MTAP: variants seen among roughly 807,000 people sequenced by gnomAD.
The protein encoded by MTAP is methylthioadenosine phosphorylase, also known as S-methyl-5'-thioadenosine phosphorylase.
Under a neutral mutation model 33.6 loss-of-function variants are expected in MTAP, and 33 were observed. The observed-to-expected ratio is 0.98, with a 90% CI of 0.74 to 1.31. The LOEUF is 1.31. Among genes scored for constraint, MTAP ranks in the 40% most tolerant of loss-of-function variants. MTAP has a pLI of 0.00. For missense variants in MTAP, 367 were observed against 360.0 expected, an observed-to-expected ratio of 1.02 and a Z score of -0.16; for synonymous variants, 148 against 125.7, an observed-to-expected ratio of 1.18 and a Z score of -1.19.
rs573292177 is a variant in MTAP at position 21,828,969 on chromosome 9, TGA to T, written c.348-8938_348-8937del. On this transcript the variant is annotated intron_variant, in intron 4 of 7. Coordinates refer to ENST00000644715, the MANE Select transcript of MTAP (RefSeq NM_002451.4). ...GCACATATATCATTCATTATGTGTTTGAACATCTCATAGCAGAAGATGCCTTG... is the reference window on the plus strand; with the variant it reads ...GCACATATATCATTCATTATGTGTTTACATCTCATAGCAGAAGATGCCTTG... 3.1e-3 allele frequency among the ~76,000 whole-genome samples: 476 copies of T among 152,316 alleles called. 2 individuals carry two copies. Among genetic ancestry groups the T allele is most frequent in the Non-Finnish European group, 4.1e-3 (277 of 68,026 alleles).
chr9:21,828,239 C>CT (rs1283395919), intron 4 of MTAP, among the ~76,000 whole-genome samples: 1 of 152,224 alleles, frequency 6.6e-6, no homozygotes, highest in Admixed American at 6.5e-5. Context: ...TTCAAAGTCT[C>CT]TAATAAGTGC....
rs767524999 is a variant in MTAP, at chr9:21,863,893, A to C, written c.*1879A>C. On this transcript the variant is annotated 3_prime_UTR_variant, in exon 8 of 8. Transcript: ENST00000644715. ...TCATTAGTGTGAGCCATTTGGGTCA[A>C]GTATGATTATGACCCTTGGACTTCC... is the stretch of plus-strand genomic sequence containing the variant. The C allele has an allele frequency of 1.0e-6, 1 of 985,842 alleles. No individual in the cohort carries two copies. The allele number at this position is 985,842 out of a possible 1,614,324, so 61.1% of individuals were successfully genotyped here. A position where few individuals can be genotyped will look rare whatever the true frequency, so the allele number is the denominator to read the frequency against.
At position 21,915,000 on chromosome 9, in the gene MTAP, TTTCCTTCCTTCCTTCCTTCC is replaced by T. The variant is rs367599453; in HGVS notation, c.148-15969_148-15950del. Reference sequence around the variant, plus strand: ...TAGCACATATCAATACTTTGTTTTCTTTCCTTCCTTCCTTCCTTCCTTCCTTCCTTCCTTCCTTCCTTCCT... The same window carrying T: ...TAGCACATATCAATACTTTGTTTTCTTTCCTTCCTTCCTTCCTTCCTTCCT... On this transcript the variant is annotated intron_variant, in intron 1 of 1. Transcript: ENST00000577563. Among the ~76,000 whole-genome samples, 45 of 83,772 alleles carry T rather than the reference TTTCCTTCCTTCCTTCCTTCC, an allele frequency of 5.4e-4. 1 individual carries two copies. The highest frequency in any genetic ancestry group is 0.011 in the Middle Eastern group (2 of 186). The allele number at this position is 83,772 out of a possible 152,430, so 55.0% of individuals were successfully genotyped here.
At chr9:21,939,384 T>C (rs970815579), downstream of MTAP, among the ~76,000 whole-genome samples, 2 of 152,256 alleles carry the variant, frequency 1.3e-5, no homozygotes, top group African/African-American at 4.8e-5. Context: ...TTTTCAGATT[T>C]AACGTAACTT....
chr9:21,875,643 A>T lies in MTAP; in HGVS notation c.147+20773A>T, dbSNP rs536342488. Among the ~76,000 whole-genome samples, 6 of 152,110 alleles carry T rather than the reference A, an allele frequency of 3.9e-5. No homozygotes were observed. In the South Asian group the frequency reaches 1.2e-3, roughly 32 times the overall value. On this transcript the variant is annotated intron_variant, in intron 1 of 1. Coordinates refer to the MTAP transcript ENST00000577563. ...CCACTTATAAGTGAAAACGTGTGGTATTTGGTTTTCTGTTTCTGTGTTACT... is the reference window on the plus strand; with the variant it reads ...CCACTTATAAGTGAAAACGTGTGGTTTTTGGTTTTCTGTTTCTGTGTTACT...
At chr9:21,836,509 A>G (rs1825110724) in intron 4 of MTAP, among the ~76,000 whole-genome samples, 1 of 152,128 alleles carries the variant, frequency 6.6e-6, no homozygotes, top group African/African-American at 2.4e-5. Flanking sequence ...GGCCCTGTTC[A>G]TATCATAGTT....
chr9:21,940,288 T>C (rs1271282335), downstream of MTAP, among the ~76,000 whole-genome samples: 2 of 152,240 alleles, frequency 1.3e-5, no homozygotes, highest in Non-Finnish European at 2.9e-5. Flanking sequence ...TGAAAAAGCT[T>C]ATGTAATGAA....
At position 21,854,719 on chromosome 9, in the gene MTAP, G is replaced by C. The variant is rs374057632; in HGVS notation, c.539G>C (p.Arg180Pro). The C allele has an allele frequency of 4.3e-6, 7 of 1,614,074 alleles. No individual in the cohort carries two copies. The South Asian group carries it at 5.5e-5, about 13-fold the overall frequency. The change falls in exon 6 of 8, where the codon CGG becomes CCG. Residue 180 changes from arginine (R) to proline (P), a missense_variant. Transcript: ENST00000644715. ...ATCGAGGGACCTCGTTTTAGCTCCC[G>C]GGCAGAAAGCTTCATGTTCCGCACC... ...VTIEGPRFSS[R>P]AESFMFRTWG...
downstream of MTAP, chr9:21,935,715 T>A (rs1035929816): frequency 2.0e-5 from 3 of 152,176 alleles, no homozygotes; most frequent in Admixed American, 6.5e-5. Context: ...ATTTTAGATG[T>A]AAGTTTGTCC....
In MTAP at chr9:21,864,356, T is replaced by C; in HGVS notation, c.*2342T>C. The C allele has an allele frequency of 1.0e-6, 1 of 985,298 alleles. No homozygotes were observed. The allele number at this position is 985,298 out of a possible 1,614,324, so 61.0% of individuals were successfully genotyped here. ...CACTTGTGATGCTGTACTAATTTTTTTTTTTTAATTTAAGCTAGTATACTA... is the reference window on the plus strand; with the variant it reads ...CACTTGTGATGCTGTACTAATTTTTCTTTTTTAATTTAAGCTAGTATACTA... On this transcript the variant is annotated 3_prime_UTR_variant, in exon 8 of 8. Coordinates refer to ENST00000644715, the MANE Select transcript of MTAP (RefSeq NM_002451.4).
chr9:21,822,563 T>C (rs1483326230), intron 4 of MTAP, among the ~76,000 whole-genome samples: 1 of 152,208 alleles, frequency 6.6e-6, no homozygotes, highest in Admixed American at 6.5e-5. Context: ...TGTGGTCAAT[T>C]TTGGAATAAG....
intron 1 of MTAP, among the ~76,000 whole-genome samples, chr9:21,916,423 A>G (rs1342914920): frequency 1.3e-5 from 2 of 152,142 alleles, no homozygotes; most frequent in African/African-American, 4.8e-5. Context: ...AGGCCTGGCC[A>G]ATATGGTGAA....
At chr9:21,903,972 T>G (rs1197172418) in intron 1 of MTAP, among the ~76,000 whole-genome samples, 1 of 152,192 alleles carries the variant, frequency 6.6e-6, no homozygotes, top group Non-Finnish European at 1.5e-5. Context: ...ACTGGAAGAA[T>G]CACACGTGGA....
intron 1 of MTAP, among the ~76,000 whole-genome samples, chr9:21,912,750 C>G (rs967942715): frequency 6.6e-6 from 1 of 152,174 alleles, no homozygotes; most frequent in African/African-American, 2.4e-5. Context: ...TCTCACCACT[C>G]CTATTCAACA....
At chr9:21,923,357 C>T (rs1818818796) in intron 1 of MTAP, among the ~76,000 whole-genome samples, 1 of 152,146 alleles carries the variant, frequency 6.6e-6, no homozygotes, top group Non-Finnish European at 1.5e-5. Flanking sequence ...TTAAGGATCT[C>T]ACCTACTTGC....
At chr9:21,911,263 T>A (rs1298349346) in intron 1 of MTAP, among the ~76,000 whole-genome samples, 1 of 152,112 alleles carries the variant, frequency 6.6e-6, no homozygotes, top group Non-Finnish European at 1.5e-5. Context: ...TGAATTCAGC[T>A]CTGCACCAAG....
At chr9:21,921,303 T>C (rs1355604020) in intron 1 of MTAP, among the ~76,000 whole-genome samples, 1 of 152,132 alleles carries the variant, frequency 6.6e-6, no homozygotes, top group Non-Finnish European at 1.5e-5. Flanking sequence ...TTCTCTTTTG[T>C]TCTTAGTTTA....
At chr9:21,832,856 C>T (rs185011528) in intron 4 of MTAP, among the ~76,000 whole-genome samples, 76 of 152,288 alleles carry the variant, frequency 5.0e-4, no homozygotes, top group African/African-American at 1.6e-3. Context: ...GTTTCTGGCA[C>T]TGCTTATTAT....
At chr9:21,932,937 T>C (rs1034020876), downstream of MTAP, 3 of 152,220 alleles carry the variant, frequency 2.0e-5, no homozygotes, top group Non-Finnish European at 2.9e-5. Flanking sequence ...TCAGTTATTT[T>C]TCCACTTTGA....
Sources: allele counts gnomAD v4.1 joint callset (sites outside exome capture counted in the v4.1 genomes callset), GRCh38; gene constraint gnomAD v4.1.1; transcripts MANE v1.5; gene names NCBI Gene and HGNC (gene_info 2026-07-23, HGNC 2026-07-21).